Variants in VWDE observed in about 807,000 individuals in gnomAD.
VWDE encodes the protein von Willebrand factor D and EGF domain-containing protein.
In VWDE, 207 loss-of-function variants were observed where a neutral mutation model predicts 178.4. The observed-to-expected ratio is 1.16, with a 90% confidence interval of 1.04 to 1.30. VWDE has a LOEUF of 1.30. Ranked by LOEUF, VWDE falls within the 50% of genes most tolerant of loss-of-function variation. VWDE has a pLI of 0.00. For synonymous variants in VWDE, 738 were observed against 651.4 expected, an observed-to-expected ratio of 1.13 and a Z score of -2.02; for missense variants, 2,287 against 1,901.3, an observed-to-expected ratio of 1.20 and a Z score of -3.77.
Position 12,370,875 on chromosome 7 carries a change from G to A in VWDE, c.1588-11C>T, listed in dbSNP as rs1351195400. 6.7e-7 allele frequency: 1 copy of A among 1,494,644 alleles called. No individual in the cohort carries two copies. The highest frequency in any genetic ancestry group is 1.4e-5 in the African/African-American group (1 of 70,668). The allele number at this position is 1,494,644 out of a possible 1,614,324, so 92.6% of individuals were successfully genotyped here. On this transcript the variant is annotated splice_polypyrimidine_tract_variant and intron_variant, in intron 10 of 28. Coordinates refer to ENST00000275358, the MANE Select transcript of VWDE (RefSeq NM_001135924.3). ...AGAAGAAAACCAGATCTGAAAAACA[G>A]AAATAAATACAGAAATAAAAGATGT...
At chr7:12,349,278 T>A (rs1039286108) in intron 19 of VWDE, among the ~76,000 whole-genome samples, 39 of 145,820 alleles carry the variant, frequency 2.7e-4, no homozygotes, top group African/African-American at 1.0e-3. Flanking sequence ...GATATTTAAA[T>A]TCAATGTGAC....
intron 9 of VWDE, among the ~76,000 whole-genome samples, chr7:12,373,791 A>G (rs1346198579): frequency 6.6e-6 from 1 of 151,886 alleles, no homozygotes; most frequent in African/African-American, 2.4e-5. Flanking sequence ...TTGTTGCGTA[A>G]TTAATCTTGT....
intron 19 of VWDE, among the ~76,000 whole-genome samples, chr7:12,349,027 G>A (rs1781773354): frequency 1.3e-5 from 2 of 152,110 alleles, no homozygotes; most frequent in African/African-American, 4.8e-5. Context: ...ACTGAACAAT[G>A]AGAACACATG....
chr7:12,350,221 G>T (rs1337500933), intron 19 of VWDE, among the ~76,000 whole-genome samples: 1 of 151,534 alleles, frequency 6.6e-6, no homozygotes, highest in African/African-American at 2.4e-5. Flanking sequence ...GTGCATTTAT[G>T]GAAAAATATA....
chr7:12,335,121 G>A (rs1780944911), intron 27 of VWDE, among the ~76,000 whole-genome samples: 1 of 152,092 alleles, frequency 6.6e-6, no homozygotes, highest in South Asian at 2.1e-4. Flanking sequence ...ATTATTTCTA[G>A]TAAAAAGGCA....
At chr7:12,367,745 T>G (rs1782940148) in intron 12 of VWDE, among the ~76,000 whole-genome samples, 1 of 149,412 alleles carries the variant, frequency 6.7e-6, no homozygotes, top group African/African-American at 2.6e-5. Flanking sequence ...CACTAATGTT[T>G]AATAATATTT....
intron 24 of VWDE, among the ~76,000 whole-genome samples, chr7:12,338,569 A>T (rs1032180281): frequency 2.0e-5 from 3 of 152,158 alleles, no homozygotes; most frequent in Non-Finnish European, 4.4e-5. Context: ...AAAAGCATAC[A>T]TACTTAAAAT....
intron 23 of VWDE, 106 bp downstream of exon 23, chr7:12,341,953 C>G: frequency 2.6e-6 from 2 of 771,224 alleles, no homozygotes. Flanking sequence ...TACCTATCTA[C>G]CTGTCTTGTC....
chr7:12,333,353 T>C, intron 28 of VWDE, 112 bp downstream of exon 28: 1 of 708,344 alleles, frequency 1.4e-6, no homozygotes. Context: ...AAATAAATGC[T>C]TTTTTTATTT....
chr7:12,336,331 A>G (rs1429033322), intron 26 of VWDE, 95 bp from the exon 27 acceptor site: 1 of 1,048,782 alleles, frequency 9.5e-7, no homozygotes, highest in Non-Finnish European at 1.4e-6. Context: ...AAAAAAAGAA[A>G]TAGTTACAAG....
intron 12 of VWDE, among the ~76,000 whole-genome samples, chr7:12,368,749 G>A (rs919361648): frequency 6.6e-6 from 1 of 152,120 alleles, no homozygotes; most frequent in Non-Finnish European, 1.5e-5. Context: ...TTAGTTTTGG[G>A]AGAATCTACG....
At position 12,361,531 on chromosome 7, in the gene VWDE, T is replaced by C. The variant is rs372064569; in HGVS notation, c.2899-10A>G. 1.7e-5 allele frequency: 25 copies of C among 1,500,474 alleles called. No individual in the cohort carries two copies. In the South Asian group the frequency reaches 1.7e-4, roughly 10 times the overall value. 92.9% of individuals were successfully genotyped at this position (1,500,474 alleles called of 1,614,324 possible). A position where few individuals can be genotyped will look rare whatever the true frequency, so the allele number is the denominator to read the frequency against. ...ATTCACTGCTATTATACTGAAGACA[T>C]AGTGAGAAAAAAATTAACCTCTGTT... On this transcript the variant is annotated splice_polypyrimidine_tract_variant and intron_variant, in intron 13 of 28. Coordinates refer to ENST00000275358, the MANE Select transcript of VWDE (RefSeq NM_001135924.3).
At chr7:12,388,019 G>A (rs1202484726) in intron 3 of VWDE, among the ~76,000 whole-genome samples, 1 of 152,086 alleles carries the variant, frequency 6.6e-6, no homozygotes, top group Non-Finnish European at 1.5e-5. Flanking sequence ...ATAAACTGAA[G>A]ACTGTACTCA....
rs552948255 is a variant in VWDE, at chr7:12,403,860, C to A, written c.-144G>T. 2.4e-6 allele frequency: 2 copies of A among 816,614 alleles called. No homozygotes were observed. Among genetic ancestry groups the A allele is most frequent in the African/African-American group, 1.7e-5 (1 of 58,072 alleles). The allele number at this position is 816,614 out of a possible 1,614,324, so 50.6% of individuals were successfully genotyped here. The stretch of plus-strand genomic sequence containing the variant: ...TTGGAACAGGGAAGCTCCGCGTCCT[C>A]GTTCTGGGGTGCACCCAGTCCTTTC... On this transcript the variant is annotated 5_prime_UTR_variant, in exon 1 of 29. Transcript: ENST00000275358.
intron 1 of VWDE, among the ~76,000 whole-genome samples, chr7:12,398,203 C>G (rs1414540019): frequency 6.6e-6 from 1 of 152,028 alleles, no homozygotes; most frequent in African/African-American, 2.4e-5. Flanking sequence ...TGTAGTATAC[C>G]TGAAACTGGT....
Position 12,357,289 on chromosome 7 carries a change from A to T in VWDE, c.3501T>A (p.Asp1167Glu). Residue 1167 changes from aspartate to glutamate, a missense_variant, in exon 17 of 29, where the codon GAT (aspartate) becomes GAA (glutamate). By Grantham distance (45) the Asp-to-Glu change is conservative (BLOSUM62 2). Transcript: ENST00000275358. ...QITVRLNDDC[D>E]AETRVTIEVT... is the part of the protein sequence containing the mutation. Reference sequence around the variant, plus strand: ...CCTCAATCGTGACTCTAGTTTCAGCATCGCAGTCATCATTAAGGCGTACAG... The same window carrying T: ...CCTCAATCGTGACTCTAGTTTCAGCTTCGCAGTCATCATTAAGGCGTACAG... 6.4e-7 allele frequency: 1 copy of T among 1,552,326 alleles called. No homozygotes were observed. The highest frequency in any genetic ancestry group is 8.7e-7 in the Non-Finnish European group (1 of 1,147,128).
At chr7:12,354,082 C>T in intron 18 of VWDE, 1 of 173,222 alleles carries the variant, frequency 5.8e-6, no homozygotes, top group Non-Finnish European at 1.2e-5. Context: ...TGTAGTATTC[C>T]TACTAGCCCT....
At chr7:12,401,254 G>C (rs947528296) in intron 1 of VWDE, among the ~76,000 whole-genome samples, 1 of 152,052 alleles carries the variant, frequency 6.6e-6, no homozygotes, top group Non-Finnish European at 1.5e-5. Flanking sequence ...AAGATATCCA[G>C]ATTGGAAAGG....
rs565743317 is a variant in VWDE at position 12,364,170 on chromosome 7, C to T, written c.2899-2649G>A. ...CTGAAATCAGAAGTATCAGTATCAA[C>T]TCACAGAGATGACAGATAGATAAAC... On this transcript the variant is annotated intron_variant, in intron 13 of 28. Transcript: ENST00000275358. 2.6e-5 allele frequency among the ~76,000 whole-genome samples: 4 copies of T among 152,124 alleles called. No individual in the cohort carries two copies. The South Asian group carries it at 8.3e-4, about 32-fold the overall frequency.
Sources: allele counts gnomAD v4.1 joint callset (sites outside exome capture counted in the v4.1 genomes callset), GRCh38; gene constraint gnomAD v4.1.1; transcripts MANE v1.5; gene names NCBI Gene and HGNC (gene_info 2026-07-23, HGNC 2026-07-21).